Variants in GALNTL6 observed in about 807,000 individuals in gnomAD.
GALNTL6 encodes polypeptide N-acetylgalactosaminyltransferase like 6.
In GALNTL6, 46 loss-of-function variants were observed where a neutral mutation model predicts 73.7. That is an observed-to-expected ratio of 0.62 (90% CI 0.49 to 0.80). The LOEUF (loss-of-function observed/expected upper bound fraction) is 0.80, where lower values mean the gene tolerates loss of function less well. GALNTL6 is among the 30% of genes least tolerant of loss of function. The pLI is 0.00. For synonymous variants in GALNTL6, 259 were observed against 263.7 expected, an observed-to-expected ratio of 0.98 and a Z score of 0.17; for missense variants, 604 against 755.0, an observed-to-expected ratio of 0.80 and a Z score of 2.34.
chr4:171,997,388 T>A (rs780692408), intron 2 of GALNTL6, among the ~76,000 whole-genome samples: 1 of 152,066 alleles, frequency 6.6e-6, no homozygotes, highest in Non-Finnish European at 1.5e-5. Context: ...GATGGGGTTA[T>A]GTCCTGATAA....
rs555506616 is a variant in GALNTL6, at chr4:172,997,879, G to A, written c.1372-11299G>A. Among the ~76,000 whole-genome samples the A allele has an allele frequency of 2.6e-5, 4 of 152,220 alleles. No homozygotes were observed. The East Asian group carries it at 7.7e-4, about 29-fold the overall frequency. ...ACACAAGTAAAAAAGTTTTTGTTTT[G>A]ATGCCAGACATGTTTCACAAATAAT... On this transcript the variant is annotated intron_variant, in intron 10 of 12. Coordinates refer to ENST00000506823, the MANE Select transcript of GALNTL6 (RefSeq NM_001034845.3).
At chr4:172,177,741 A>G (rs927409439) in intron 2 of GALNTL6, among the ~76,000 whole-genome samples, 11 of 86,556 alleles carry the variant, frequency 1.3e-4, no homozygotes, top group South Asian at 3.2e-4. Flanking sequence ...ATATATACAC[A>G]TGTGTATATA....
At chr4:172,268,322 A>T (rs553975331) in intron 3 of GALNTL6, among the ~76,000 whole-genome samples, 11 of 152,318 alleles carry the variant, frequency 7.2e-5, no homozygotes, top group Admixed American at 7.2e-4. Flanking sequence ...ACATGTGAAT[A>T]AGAAGGAAAA....
intron 5 of GALNTL6, among the ~76,000 whole-genome samples, chr4:172,768,876 A>C (rs1355178099): frequency 1.3e-5 from 2 of 151,710 alleles, no homozygotes; most frequent in African/African-American, 4.8e-5. Context: ...TGCTGCTTGG[A>C]ATTTTCTGTT....
chr4:172,220,198 C>G (rs1736628253), intron 2 of GALNTL6, among the ~76,000 whole-genome samples: 1 of 151,636 alleles, frequency 6.6e-6, no homozygotes, highest in African/African-American at 2.4e-5. Flanking sequence ...AGAATGTAAG[C>G]TCTTCAAGGG....
rs72990408 is a variant in GALNTL6, at chr4:172,680,749, T to C, written c.554-128612T>C. 1.9e-3 allele frequency among the ~76,000 whole-genome samples: 283 copies of C among 152,346 alleles called. 1 individual carries two copies. Among genetic ancestry groups the C allele is most frequent in the African/African-American group, 6.6e-3 (274 of 41,584 alleles). Reference sequence around the variant, plus strand: ...ATTATATAAGCCCTCTTTGATTATTTAAAATCTGTACCCTTTAAGTGAAAT... The same window carrying C: ...ATTATATAAGCCCTCTTTGATTATTCAAAATCTGTACCCTTTAAGTGAAAT... On this transcript the variant is annotated intron_variant, in intron 5 of 12. Transcript: ENST00000506823.
intron 5 of GALNTL6, among the ~76,000 whole-genome samples, chr4:172,404,461 A>G (rs1744142060): frequency 6.6e-6 from 1 of 152,042 alleles, no homozygotes; most frequent in East Asian, 1.9e-4. Flanking sequence ...CCCTGGCTAG[A>G]AAATAATTTC....
chr4:172,539,880 T>C (rs1735484467), intron 5 of GALNTL6, among the ~76,000 whole-genome samples: 1 of 33,190 alleles, frequency 3.0e-5, no homozygotes, highest in Non-Finnish European at 6.6e-5. Context: ...TATGATTATA[T>C]ATATATATAT....
chr4:172,628,910 A>T (rs956322175), intron 5 of GALNTL6, among the ~76,000 whole-genome samples: 6 of 152,170 alleles, frequency 3.9e-5, no homozygotes, highest in Admixed American at 2.0e-4. Context: ...AAAAAAAAGT[A>T]CCTACTTTGT....
chr4:172,045,419 TCA>T (rs1742187964), intron 2 of GALNTL6, among the ~76,000 whole-genome samples: 1 of 152,086 alleles, frequency 6.6e-6, no homozygotes, highest in Admixed American at 6.6e-5. Context: ...TAAAGTCTTC[TCA>T]GTTTTTGCTA....
intron 2 of GALNTL6, among the ~76,000 whole-genome samples, chr4:171,957,551 C>G (rs1739087343): frequency 6.6e-6 from 1 of 152,174 alleles, no homozygotes; most frequent in Non-Finnish European, 1.5e-5. Flanking sequence ...CGTGGAGGAA[C>G]AGTATTTACT....
At chr4:172,480,285 C>T (rs970491626) in intron 5 of GALNTL6, among the ~76,000 whole-genome samples, 3 of 151,866 alleles carry the variant, frequency 2.0e-5, no homozygotes, top group Admixed American at 1.3e-4. Flanking sequence ...TGTACTCCAG[C>T]CTAGGCAACA....
At chr4:172,360,514 AGATAACTTATTCCTCCTAAATGAACGGTT>A (rs1252293007) in intron 5 of GALNTL6, among the ~76,000 whole-genome samples, 8 of 152,222 alleles carry the variant, frequency 5.3e-5, no homozygotes, top group African/African-American at 1.4e-4. Context: ...TCTAGGGTAC[AGATAACTTATTCCTCCTAAATGAACGGTT>A]TTATTGCTGA....
At chr4:172,624,269 TTTTG>T (rs796089055) in intron 5 of GALNTL6, among the ~76,000 whole-genome samples, 29 of 152,162 alleles carry the variant, frequency 1.9e-4, no homozygotes, top group African/African-American at 4.6e-4. Flanking sequence ...TGTTTTTGTT[TTTTG>T]TTTGTTTGTT....
chr4:171,909,807 C>A (rs1349789214), intron 2 of GALNTL6, among the ~76,000 whole-genome samples: 1 of 152,118 alleles, frequency 6.6e-6, no homozygotes, highest in Non-Finnish European at 1.5e-5. Flanking sequence ...GAGTGTATGA[C>A]TGCATTGTAA....
At chr4:172,802,191 A>G (rs1740687514) in intron 5 of GALNTL6, among the ~76,000 whole-genome samples, 1 of 152,160 alleles carries the variant, frequency 6.6e-6, no homozygotes, top group Admixed American at 6.5e-5. Flanking sequence ...GCCAAGTATT[A>G]CCAGCAGCTG....
At chr4:173,038,802 C>A (rs1017481500) in intron 12 of GALNTL6, among the ~76,000 whole-genome samples, 1 of 152,122 alleles carries the variant, frequency 6.6e-6, no homozygotes, top group Non-Finnish European at 1.5e-5. Context: ...AGGAGCAACC[C>A]AGAAATGTTT....
At chr4:172,959,203 A>G (rs182590814) in intron 10 of GALNTL6, among the ~76,000 whole-genome samples, 157 of 152,176 alleles carry the variant, frequency 1.0e-3, no homozygotes, top group African/African-American at 3.6e-3. Flanking sequence ...GAGGTGTCCT[A>G]TACTTGTGGT....
chr4:171,879,402 A>G (rs1459292537), intron 2 of GALNTL6, among the ~76,000 whole-genome samples: 3 of 152,162 alleles, frequency 2.0e-5, no homozygotes, highest in Non-Finnish European at 4.4e-5. Context: ...TGCACGTTCT[A>G]TACAATCTGC....
Sources: allele counts gnomAD v4.1 joint callset (sites outside exome capture counted in the v4.1 genomes callset), GRCh38; gene constraint gnomAD v4.1.1; transcripts MANE v1.5; gene names NCBI Gene and HGNC (gene_info 2026-07-23, HGNC 2026-07-21).